TSHZ2: variants seen among roughly 807,000 people sequenced by gnomAD.
The protein encoded by TSHZ2 is teashirt zinc finger homeobox 2, also known as teashirt homolog 2.
A neutral mutation model predicts 74.4 loss-of-function variants in TSHZ2; 21 were observed. The observed-to-expected ratio is 0.28, with a 90% CI of 0.20 to 0.41. The LOEUF (loss-of-function observed/expected upper bound fraction) is 0.41, where lower values mean the gene tolerates loss of function less well. Ranked by LOEUF, TSHZ2 falls within the 10% of genes least tolerant of loss-of-function variation. The probability of loss-of-function intolerance (pLI) is 1.00; values close to 1 mark genes in which losing one functional copy is unlikely to be tolerated. For synonymous variants in TSHZ2, 540 were observed against 515.3 expected (o/e 1.05, Z -0.65); for missense variants, 1,244 against 1,293.5 (o/e 0.96, Z 0.59).
At chr20:53,143,228 C>T (rs571380048) in intron 1 of TSHZ2, among the ~76,000 whole-genome samples, 2 of 152,200 alleles carry the variant, frequency 1.3e-5, no homozygotes, top group Non-Finnish European at 2.9e-5. Flanking sequence ...AGACTCACTC[C>T]TTTGCCCCAG....
chr20:53,105,101 G>A (rs925804318), intron 1 of TSHZ2, among the ~76,000 whole-genome samples: 2 of 152,194 alleles, frequency 1.3e-5, no homozygotes, highest in Non-Finnish European at 2.9e-5. Flanking sequence ...TCACTCCCAA[G>A]AGAGCTAGCT....
At chr20:53,384,377 G>A (rs539351309) in intron 2 of TSHZ2, among the ~76,000 whole-genome samples, 34 of 152,276 alleles carry the variant, frequency 2.2e-4, no homozygotes, top group Non-Finnish European at 1.8e-4. Flanking sequence ...TTAGCCACAC[G>A]CAGACCCGTT....
At chr20:53,410,830 G>A (rs116326766) in intron 2 of TSHZ2, among the ~76,000 whole-genome samples, 1,960 of 151,722 alleles carry the variant, frequency 0.013, 42 homozygotes, top group African/African-American at 0.041. Flanking sequence ...CATGCACCAG[G>A]ACGCCTGGGT....
chr20:53,422,247 C>T (rs1467900691), intron 2 of TSHZ2, among the ~76,000 whole-genome samples: 1 of 152,132 alleles, frequency 6.6e-6, no homozygotes, highest in Non-Finnish European at 1.5e-5. Flanking sequence ...GCATGCTGAC[C>T]CTTCCCTTGA....
intron 2 of TSHZ2, among the ~76,000 whole-genome samples, chr20:53,274,751 G>A (rs369809753): frequency 3.3e-5 from 5 of 152,304 alleles, no homozygotes; most frequent in South Asian, 4.1e-4. Flanking sequence ...ATGCAGAAAC[G>A]TTGCCTATCT....
At chr20:53,186,419 C>T (rs1351555694) in intron 1 of TSHZ2, among the ~76,000 whole-genome samples, 2 of 152,212 alleles carry the variant, frequency 1.3e-5, no homozygotes, top group Non-Finnish European at 2.9e-5. Flanking sequence ...CGTACTGAAT[C>T]AGAAACCCTA....
chr20:53,252,391 C>T (rs1251182812), intron 1 of TSHZ2, among the ~76,000 whole-genome samples: 1 of 152,206 alleles, frequency 6.6e-6, no homozygotes, highest in African/African-American at 2.4e-5. Flanking sequence ...TAAGATTGTG[C>T]AGGCCTTGCA....
chr20:53,308,043 ATTC>A (rs1978619451), intron 2 of TSHZ2, among the ~76,000 whole-genome samples: 1 of 152,224 alleles, frequency 6.6e-6, no homozygotes, highest in East Asian at 1.9e-4. Flanking sequence ...ATTTGCACAT[ATTC>A]TTCTCCCACG....
At chr20:52,985,828 A>G (rs916647323) in intron 1 of TSHZ2, among the ~76,000 whole-genome samples, 48 of 152,322 alleles carry the variant, frequency 3.2e-4, no homozygotes, top group Non-Finnish European at 1.2e-4. Context: ...GTCTCCAATT[A>G]TGCAGTTTTA....
chr20:53,205,362 A>G (rs1027379770), intron 1 of TSHZ2, among the ~76,000 whole-genome samples: 3 of 152,224 alleles, frequency 2.0e-5, no homozygotes, highest in Non-Finnish European at 2.9e-5. Flanking sequence ...CTTCATTTAA[A>G]TTCAGAAGAC....
chr20:53,173,805 T>C (rs1263940398), intron 1 of TSHZ2, among the ~76,000 whole-genome samples: 1 of 152,138 alleles, frequency 6.6e-6, no homozygotes, highest in Non-Finnish European at 1.5e-5. Context: ...TATGAGACCA[T>C]ACACAGTGAT....
intron 2 of TSHZ2, among the ~76,000 whole-genome samples, chr20:53,318,364 C>T (rs373852088): frequency 1.2e-4 from 18 of 152,272 alleles, no homozygotes; most frequent in East Asian, 1.2e-3. Flanking sequence ...GAATTCCACG[C>T]GGAAACACTC....
At chr20:53,039,309 A>AC (rs1438165666) in intron 1 of TSHZ2, among the ~76,000 whole-genome samples, 1 of 80,954 alleles carries the variant, frequency 1.2e-5, no homozygotes, top group African/African-American at 5.7e-5. Context: ...ACCCCAGAGA[A>AC]CTTTCCACAC....
At chr20:53,253,357 T>C in intron 1 of TSHZ2, 142 bp from the exon 2 acceptor site, 1 of 1,288,146 alleles carries the variant, frequency 7.8e-7, no homozygotes, top group Non-Finnish European at 1.0e-6. Context: ...TGGCTTTTCC[T>C]GTGTCCACTG....
intron 1 of TSHZ2, among the ~76,000 whole-genome samples, chr20:53,056,371 G>C (rs1984639943): frequency 1.3e-5 from 2 of 152,128 alleles, no homozygotes; most frequent in Non-Finnish European, 2.9e-5. Flanking sequence ...AACTGGATGA[G>C]GAAAAGCCAA....
chr20:52,995,540 T>C (rs1361698031), intron 1 of TSHZ2, among the ~76,000 whole-genome samples: 1 of 152,022 alleles, frequency 6.6e-6, no homozygotes, highest in African/African-American at 2.4e-5. Flanking sequence ...ACATTCTCTA[T>C]AGGGTTGCAA....
intron 1 of TSHZ2, among the ~76,000 whole-genome samples, chr20:53,204,325 GATACTATATCATCATATAACATGATGATA>G (rs1989103375): frequency 7.8e-6 from 1 of 128,436 alleles, no homozygotes; most frequent in Non-Finnish European, 1.6e-5. Context: ...ATGATGATAT[GATACTATATCATCATATAACATGATGATA>G]TGATACTATA....
In TSHZ2 at chr20:52,972,957, A is replaced by C; in HGVS notation, c.-337A>C. Reference sequence around the variant, plus strand: ...GTCTCAACAGTCACCAAAAAAAAAAAAAACCGCAAAAACAAAACCAAAAAA... The same window carrying C: ...GTCTCAACAGTCACCAAAAAAAAAACAAACCGCAAAAACAAAACCAAAAAA... On this transcript the variant is annotated 5_prime_UTR_variant, in exon 1 of 3. Transcript: ENST00000371497. 1 of 337,392 alleles carries C rather than the reference A, an allele frequency of 3.0e-6. No homozygotes were observed. The highest frequency in any genetic ancestry group is 5.3e-6 in the Non-Finnish European group (1 of 188,950). The allele number at this position is 337,392 out of a possible 1,614,324, so 20.9% of individuals were successfully genotyped here. A position where few individuals can be genotyped will look rare whatever the true frequency, so the allele number is the denominator to read the frequency against.
At chr20:53,225,753 A>T in intron 1 of TSHZ2, among the ~76,000 whole-genome samples, 1 of 152,222 alleles carries the variant, frequency 6.6e-6, no homozygotes, top group East Asian at 1.9e-4. Flanking sequence ...TCTCAATTCC[A>T]AAAGCAAGTC....
Sources: allele counts gnomAD v4.1 joint callset (sites outside exome capture counted in the v4.1 genomes callset), GRCh38; gene constraint gnomAD v4.1.1; transcripts MANE v1.5; gene names NCBI Gene and HGNC (gene_info 2026-07-23, HGNC 2026-07-21).